PCCA: variants seen among roughly 807,000 people sequenced by gnomAD.
The protein encoded by PCCA is propionyl-CoA carboxylase alpha chain, mitochondrial.
Under a neutral mutation model 101.3 loss-of-function variants are expected in PCCA, and 74 were observed. The observed-to-expected ratio is 0.73, with a 90% CI of 0.61 to 0.89. PCCA has a LOEUF of 0.89. PCCA is among the 40% of genes least tolerant of loss of function. PCCA has a pLI of 0.00. For synonymous variants in PCCA, 294 were observed against 313.6 expected (o/e 0.94, Z 0.66); for missense variants, 891 against 907.0 (o/e 0.98, Z 0.23).
intron 19 of PCCA, among the ~76,000 whole-genome samples, chr13:100,416,715 G>A (rs1184543914): frequency 1.3e-5 from 2 of 151,128 alleles, no homozygotes; most frequent in East Asian, 2.0e-4. Context: ...AGTAGAGACG[G>A]GGTTTCACCA....
intron 19 of PCCA, among the ~76,000 whole-genome samples, chr13:100,402,881 T>C (rs1011051064): frequency 6.6e-6 from 1 of 152,146 alleles, no homozygotes; most frequent in African/African-American, 2.4e-5. Context: ...GACTAAAGTT[T>C]AGGATATAGT....
chr13:100,370,074 C>CTTTTTTTTTTTTTTTT (rs386380451), intron 19 of PCCA, among the ~76,000 whole-genome samples: 1 of 74,640 alleles, frequency 1.3e-5, no homozygotes, highest in Non-Finnish European at 2.3e-5. Flanking sequence ...GCTGTTACTT[C>CTTTTTTTTTTTTTTTT]TTTTTTTTTT....
At position 100,282,576 on chromosome 13, in the gene PCCA, C is replaced by T. The variant is rs372716209; in HGVS notation, c.1065+9230C>T. Among the ~76,000 whole-genome samples the T allele has an allele frequency of 4.9e-3, 745 of 152,310 alleles. 4 individuals carry two copies. The highest frequency in any genetic ancestry group is 7.0e-3 in the South Asian group (34 of 4,828). ...ATGAGGGGCTTAGCACCCGGGCCAGCGGCTGTGGAGGTTGTACTGGGTCCC... is the reference window on the plus strand; with the variant it reads ...ATGAGGGGCTTAGCACCCGGGCCAGTGGCTGTGGAGGTTGTACTGGGTCCC... On this transcript the variant is annotated intron_variant, in intron 12 of 23. Coordinates refer to ENST00000376285, the MANE Select transcript of PCCA (RefSeq NM_000282.4).
chr13:100,442,873 A>T (rs2080482677), intron 20 of PCCA, among the ~76,000 whole-genome samples: 2 of 152,208 alleles, frequency 1.3e-5, no homozygotes, highest in Admixed American at 1.3e-4. Flanking sequence ...AGTCCCAGGT[A>T]GCAGAAGGGG....
intron 6 of PCCA, among the ~76,000 whole-genome samples, chr13:100,197,214 A>G (rs539444861): frequency 2.0e-5 from 3 of 152,060 alleles, no homozygotes; most frequent in South Asian, 2.1e-4. Flanking sequence ...TTATTTTTAT[A>G]TATTTATTTT....
At chr13:100,456,622 CA>C (rs530658769) in intron 21 of PCCA, among the ~76,000 whole-genome samples, 218 of 150,550 alleles carry the variant, frequency 1.4e-3, no homozygotes, top group African/African-American at 5.1e-3. Flanking sequence ...GATCGTAGAA[CA>C]GGGGGGCCCT....
intron 6 of PCCA, among the ~76,000 whole-genome samples, chr13:100,187,084 A>G (rs556651585): frequency 1.6e-4 from 24 of 152,252 alleles, no homozygotes; most frequent in Middle Eastern, 3.4e-3. Flanking sequence ...AAGTCCAGGG[A>G]CTCACTCCTG....
chr13:100,176,029 A>G (rs533936866), intron 6 of PCCA, among the ~76,000 whole-genome samples: 2 of 152,354 alleles, frequency 1.3e-5, no homozygotes, highest in East Asian at 3.9e-4. Flanking sequence ...AGTTTTCAGA[A>G]GCAAAGGGCT....
chr13:100,192,337 G>A (rs1325931564), intron 6 of PCCA, among the ~76,000 whole-genome samples: 1 of 152,136 alleles, frequency 6.6e-6, no homozygotes, highest in East Asian at 1.9e-4. Flanking sequence ...AGGTCCTGGT[G>A]CACCTCTGTC....
intron 8 of PCCA, among the ~76,000 whole-genome samples, chr13:100,250,349 A>G (rs1380480543): frequency 1.3e-5 from 2 of 152,036 alleles, no homozygotes; most frequent in Non-Finnish European, 2.9e-5. Flanking sequence ...TGTTAATGTG[A>G]TGGATTACAT....
intron 16 of PCCA, among the ~76,000 whole-genome samples, chr13:100,326,682 C>T (rs2068723474): frequency 6.6e-6 from 1 of 152,070 alleles, no homozygotes. Flanking sequence ...CCTCCTCTTC[C>T]TCCTTCTCCT....
At chr13:100,219,727 G>A (rs1202289092) in intron 7 of PCCA, among the ~76,000 whole-genome samples, 2 of 152,098 alleles carry the variant, frequency 1.3e-5, no homozygotes, top group Non-Finnish European at 2.9e-5. Context: ...AGGAGAAATG[G>A]GTACTTGATT....
In PCCA at chr13:100,307,102, T is replaced by C. The variant is rs116097588; in HGVS notation, c.1285-90T>C. 834 of 812,712 alleles carry C rather than the reference T, an allele frequency of 1.0e-3. 5 individuals carry two copies. In the African/African-American group the frequency reaches 0.013, roughly 12 times the overall value. 50.3% of individuals were successfully genotyped at this position (812,712 alleles called of 1,614,324 possible). ...TGTTATTTGAGATTGAAATTCTCTA[T>C]CCATTTTCTCCATGGAAATGAAATT... On this transcript the variant is annotated intron_variant, in intron 14 of 23. Transcript: ENST00000376285.
intron 19 of PCCA, among the ~76,000 whole-genome samples, chr13:100,424,306 G>T (rs568379663): frequency 6.6e-6 from 1 of 152,188 alleles, no homozygotes; most frequent in African/African-American, 2.4e-5. Context: ...TCTGCAGGGC[G>T]GGGCGGGGGT....
chr13:100,234,507 C>G (rs537243864), intron 7 of PCCA, among the ~76,000 whole-genome samples: 1 of 151,530 alleles, frequency 6.6e-6, no homozygotes, highest in African/African-American at 2.4e-5. Flanking sequence ...AAACTGATGT[C>G]GCTTTCAGGA....
At chr13:100,254,577 C>T (rs903931478) in intron 8 of PCCA, among the ~76,000 whole-genome samples, 8 of 152,050 alleles carry the variant, frequency 5.3e-5, no homozygotes, top group Non-Finnish European at 8.8e-5. Context: ...GGCAGGGACA[C>T]AAGAAAGTAG....
At chr13:100,199,942 C>T (rs1327007304) in intron 6 of PCCA, among the ~76,000 whole-genome samples, 1 of 152,106 alleles carries the variant, frequency 6.6e-6, no homozygotes, top group Non-Finnish European at 1.5e-5. Flanking sequence ...GTTGAAATTA[C>T]TGTGAAGTCA....
intron 10 of PCCA, 65 bp from the exon 11 acceptor site, chr13:100,268,624 A>G (rs767236751): frequency 1.5e-4 from 166 of 1,136,136 alleles, no homozygotes; most frequent in Non-Finnish European, 1.7e-4. Context: ...CATGCGGAAA[A>G]TATTAACCAT....
At chr13:100,440,192 A>ATG (rs2080256587) in intron 20 of PCCA, among the ~76,000 whole-genome samples, 1 of 111,706 alleles carries the variant, frequency 9.0e-6, no homozygotes. Context: ...ATATATATAT[A>ATG]TATATATATA....
Sources: gnomAD v4.1 joint callset for allele counts (sites outside exome capture counted in the v4.1 genomes callset) on GRCh38, gnomAD v4.1.1 for gene constraint, MANE v1.5 for transcripts, NCBI Gene and HGNC (gene_info 2026-07-23, HGNC 2026-07-21) for gene names.